Variants in CACHD1 observed in about 807,000 individuals in gnomAD.
CACHD1 encodes VWFA and cache domain-containing protein 1.
A neutral mutation model predicts 138.7 loss-of-function variants in CACHD1; 71 were observed. The observed-to-expected ratio is 0.51, with a 90% CI of 0.42 to 0.62. CACHD1 has a LOEUF of 0.62. Among genes scored for constraint, CACHD1 ranks in the 20% least tolerant of loss-of-function variants. The pLI is 0.00. For synonymous variants in CACHD1, 578 were observed against 591.5 expected, an observed-to-expected ratio of 0.98 and a Z score of 0.33; for missense variants, 1,389 against 1,625.3, an observed-to-expected ratio of 0.85 and a Z score of 2.50.
chr1:64,551,827 G>A (rs1646760995), intron 2 of CACHD1, among the ~76,000 whole-genome samples: 1 of 152,194 alleles, frequency 6.6e-6, no homozygotes, highest in South Asian at 2.1e-4. Flanking sequence ...CTTTTTCTTA[G>A]CTTTAGATAT....
Position 64,691,527 on chromosome 1 carries a change from C to A in CACHD1, c.3791C>A (p.Ala1264Asp). ...TLHHSHHLQA[A>D]VTVHTVDAEC Reference sequence around the variant, plus strand: ...CATCATAGCCACCACTTACAGGCGGCCGTCACGGTACACACTGTCGATGCA... The same window carrying A: ...CATCATAGCCACCACTTACAGGCGGACGTCACGGTACACACTGTCGATGCA... Residue 1264 changes from alanine (A) to aspartate (D), a missense_variant, in exon 27 of 27, where the codon GCC (alanine) becomes GAC (aspartate). Ala to Asp is a moderately radical substitution (Grantham distance 126). Around this residue, in one of 5 missense-constraint regions of CACHD1, gnomAD observed 78 missense variants for 76.9 expected, o/e 1.01. Coordinates refer to ENST00000651257, the MANE Select transcript of CACHD1 (RefSeq NM_020925.4). 2.5e-6 allele frequency: 4 copies of A among 1,614,064 alleles called. No homozygotes were observed. Among genetic ancestry groups the A allele is most frequent in the Non-Finnish European group, 3.4e-6 (4 of 1,179,996 alleles).
chr1:64,552,502 C>G (rs1325983760), intron 2 of CACHD1, among the ~76,000 whole-genome samples: 1 of 141,636 alleles, frequency 7.1e-6, no homozygotes, highest in South Asian at 2.2e-4. Flanking sequence ...CAGGATCTTG[C>G]TCTGTCGCCC....
chr1:64,643,784 G>A (rs1648815037), intron 8 of CACHD1, among the ~76,000 whole-genome samples: 1 of 152,188 alleles, frequency 6.6e-6, no homozygotes, highest in Admixed American at 6.5e-5. Flanking sequence ...CTTGCAGTGA[G>A]CCGAGATTGC....
At chr1:64,610,281 A>G (rs1647482872) in intron 4 of CACHD1, among the ~76,000 whole-genome samples, 1 of 152,152 alleles carries the variant, frequency 6.6e-6, no homozygotes, top group Non-Finnish European at 1.5e-5. Context: ...AATTCAAAAC[A>G]TAATCATGCC....
intron 3 of CACHD1, among the ~76,000 whole-genome samples, chr1:64,599,512 CAT>C (rs1647193275): frequency 2.0e-5 from 3 of 151,918 alleles, no homozygotes; most frequent in Admixed American, 2.0e-4. Flanking sequence ...CAGAAGAGCA[CAT>C]AGGGAGGGGC....
chr1:64,621,956 A>G (rs1019157280), intron 4 of CACHD1, among the ~76,000 whole-genome samples: 1 of 152,256 alleles, frequency 6.6e-6, no homozygotes, highest in South Asian at 2.1e-4. Flanking sequence ...ATTTAAGGTC[A>G]GACAGCTTGC....
Position 64,653,949 on chromosome 1 carries a change from A to C in CACHD1, c.1664+68A>C. The C allele has an allele frequency of 2.3e-6, 3 of 1,327,860 alleles. No individual in the cohort carries two copies. In the South Asian group the frequency reaches 3.8e-5, roughly 17 times the overall value. The allele number at this position is 1,327,860 out of a possible 1,614,324, so 82.3% of individuals were successfully genotyped here. On this transcript the variant is annotated intron_variant, in intron 11 of 26. Coordinates refer to ENST00000651257, the MANE Select transcript of CACHD1 (RefSeq NM_020925.4). Reference sequence around the variant, plus strand: ...ATGGGACCCATCAAAGCCACATACGAGTATTTACTACAGAGTATAAAACAA... The same window carrying C: ...ATGGGACCCATCAAAGCCACATACGCGTATTTACTACAGAGTATAAAACAA...
intron 4 of CACHD1, among the ~76,000 whole-genome samples, chr1:64,625,050 T>A (rs545332189): frequency 6.6e-6 from 1 of 152,186 alleles, no homozygotes; most frequent in Non-Finnish European, 1.5e-5. Flanking sequence ...GACCTTATGG[T>A]CTGCAAAGCC....
At chr1:64,674,966 AG>A (rs1649937582) in intron 19 of CACHD1, among the ~76,000 whole-genome samples, 2 of 152,218 alleles carry the variant, frequency 1.3e-5, no homozygotes, top group Non-Finnish European at 2.9e-5. Flanking sequence ...AAAAGGAAAA[AG>A]GTTCATCACC....
At chr1:64,552,604 A>G (rs1260404460) in intron 2 of CACHD1, among the ~76,000 whole-genome samples, 1 of 151,696 alleles carries the variant, frequency 6.6e-6, no homozygotes, top group African/African-American at 2.4e-5. Context: ...CTCTCAAGTA[A>G]CTTGGACTAC....
At chr1:64,573,497 G>A (rs1366261454) in intron 2 of CACHD1, among the ~76,000 whole-genome samples, 1 of 152,196 alleles carries the variant, frequency 6.6e-6, no homozygotes, top group African/African-American at 2.4e-5. Context: ...CTTTAGAGCA[G>A]CTGATATTAC....
chr1:64,648,043 G>T lies in CACHD1; in HGVS notation c.1390+9G>T. Reference sequence around the variant, plus strand: ...TGATGAGATGGGAGATGGTGAGTTTGGATAAACGTCATTTTAAAGGAAGGG... The same window carrying T: ...TGATGAGATGGGAGATGGTGAGTTTTGATAAACGTCATTTTAAAGGAAGGG... On this transcript the variant is annotated intron_variant, in intron 9 of 26. Transcript: ENST00000651257. 6.3e-7 allele frequency: 1 copy of T among 1,595,076 alleles called. No individual in the cohort carries two copies. Among genetic ancestry groups the T allele is most frequent in the South Asian group, 1.1e-5 (1 of 89,536 alleles).
chr1:64,499,960 T>C (rs1008855898), intron 1 of CACHD1, among the ~76,000 whole-genome samples: 1 of 152,216 alleles, frequency 6.6e-6, no homozygotes, highest in Non-Finnish European at 1.5e-5. Flanking sequence ...TAAGAACACC[T>C]GGCTGAGGAT....
In CACHD1 at chr1:64,671,549, CT is replaced by C; in HGVS notation, c.2388-10del. ...AGCCATGCCTATTGTTCTCATTGAT[CT>C]TTTTCACTTAAAGTACACAGCTGTC... On this transcript the variant is annotated splice_polypyrimidine_tract_variant and intron_variant, in intron 16 of 26. Coordinates refer to ENST00000651257, the MANE Select transcript of CACHD1 (RefSeq NM_020925.4). The C allele has an allele frequency of 6.2e-7, 1 of 1,613,700 alleles. No homozygotes were observed.
intron 2 of CACHD1, among the ~76,000 whole-genome samples, chr1:64,577,582 A>G (rs1486869740): frequency 6.6e-6 from 1 of 152,134 alleles, no homozygotes; most frequent in East Asian, 1.9e-4. Flanking sequence ...CCTTGAGCAA[A>G]TTACCCCTTA....
intron 1 of CACHD1, among the ~76,000 whole-genome samples, chr1:64,477,602 TA>T (rs1557454949): frequency 1.2e-4 from 17 of 144,224 alleles, no homozygotes; most frequent in African/African-American, 4.2e-4. Flanking sequence ...TTATTATTAT[TA>T]TTATTATTAT....
At chr1:64,474,360 T>C (rs532196613) in intron 1 of CACHD1, among the ~76,000 whole-genome samples, 2 of 152,064 alleles carry the variant, frequency 1.3e-5, no homozygotes, top group African/African-American at 2.4e-5. Context: ...GAGCCCCACA[T>C]TGGGTAGGTA....
chr1:64,531,524 TGTG>T (rs778441812), intron 1 of CACHD1, among the ~76,000 whole-genome samples: 11 of 152,052 alleles, frequency 7.2e-5, no homozygotes, highest in East Asian at 3.9e-4. Flanking sequence ...TGTGTGTGTG[TGTG>T]TGTCTGTGTA....
intron 13 of CACHD1, among the ~76,000 whole-genome samples, chr1:64,663,088 G>A (rs1454549472): frequency 6.6e-6 from 1 of 152,140 alleles, no homozygotes; most frequent in African/African-American, 2.4e-5. Context: ...AATCCAGACT[G>A]GTTTCATGTG....
Sources: gnomAD v4.1 joint callset for allele counts (sites outside exome capture counted in the v4.1 genomes callset) on GRCh38, gnomAD v4.1.1 for gene constraint, gnomAD v4.1.1 regional missense constraint, MANE v1.5 for transcripts, NCBI Gene and HGNC (gene_info 2026-07-23, HGNC 2026-07-21) for gene names.